Variants in MCUB observed in about 807,000 individuals in gnomAD.
MCUB encodes the protein calcium uniporter regulatory subunit MCUb, mitochondrial.
In MCUB, 46 loss-of-function variants were observed where a neutral mutation model predicts 41.4. The ratio of observed to expected loss-of-function variants is 1.11; its 90% CI spans 0.88 to 1.42. The LOEUF is 1.42. Ranked by LOEUF, MCUB falls within the 40% of genes most tolerant of loss-of-function variation. The pLI is 0.00. For missense variants in MCUB, 403 were observed against 404.9 expected, an observed-to-expected ratio of 1.00 and a Z score of 0.04; for synonymous variants, 148 against 148.2, an observed-to-expected ratio of 1.00 and a Z score of 0.01.
chr4:109,678,195 G>A (rs1372636890), intron 4 of MCUB, among the ~76,000 whole-genome samples: 2 of 151,982 alleles, frequency 1.3e-5, no homozygotes, highest in Admixed American at 1.3e-4. Context: ...AGAACAAAAT[G>A]GAGTCTCCTA....
chr4:109,593,902 A>C (rs1727495900), intron 1 of MCUB, among the ~76,000 whole-genome samples: 1 of 152,234 alleles, frequency 6.6e-6, no homozygotes, highest in African/African-American at 2.4e-5. Context: ...GCAGAATTTA[A>C]GTCTGTGTAA....
At chr4:109,670,083 T>C (rs1729421751) in intron 4 of MCUB, among the ~76,000 whole-genome samples, 2 of 152,256 alleles carry the variant, frequency 1.3e-5, no homozygotes. Context: ...CTTGTAATTT[T>C]ATGTTAAAAG....
intron 2 of MCUB, among the ~76,000 whole-genome samples, chr4:109,659,584 CAAAAAG>C (rs1327154904): frequency 1.3e-5 from 2 of 150,948 alleles, no homozygotes; most frequent in Non-Finnish European, 3.0e-5. Context: ...GACCCTGTCT[CAAAAAG>C]AAAGAAAAAA....
chr4:109,590,295 T>C (rs888245692), intron 1 of MCUB, among the ~76,000 whole-genome samples: 1 of 152,238 alleles, frequency 6.6e-6, no homozygotes, highest in Admixed American at 6.5e-5. Context: ...GTCATTGCTC[T>C]ATAATTGGCT....
chr4:109,634,715 ATTAT>A (rs1728551798), intron 1 of MCUB, among the ~76,000 whole-genome samples: 1 of 152,166 alleles, frequency 6.6e-6, no homozygotes, highest in Non-Finnish European at 1.5e-5. Flanking sequence ...TGAAGATGCC[ATTAT>A]TTATTCATTG....
chr4:109,665,823 G>A (rs947488417), intron 4 of MCUB, among the ~76,000 whole-genome samples: 6 of 152,014 alleles, frequency 3.9e-5, no homozygotes, highest in Admixed American at 3.9e-4. Context: ...GCAGGGGTGG[G>A]GGCGCATGGT....
chr4:109,670,726 AAAAAAG>A (rs755053976), intron 4 of MCUB, among the ~76,000 whole-genome samples: 19 of 152,150 alleles, frequency 1.2e-4, no homozygotes, highest in South Asian at 4.1e-4. Context: ...CTCCAAAAAA[AAAAAAG>A]AAAAAGAAAA....
intron 4 of MCUB, among the ~76,000 whole-genome samples, chr4:109,671,391 T>C (rs1265152149): frequency 6.6e-6 from 1 of 152,202 alleles, no homozygotes; most frequent in Non-Finnish European, 1.5e-5. Context: ...CCACAGTTCT[T>C]AGATATTTTG....
chr4:109,582,867 C>G (rs1260468122), intron 1 of MCUB, among the ~76,000 whole-genome samples: 1 of 152,120 alleles, frequency 6.6e-6, no homozygotes, highest in African/African-American at 2.4e-5. Context: ...TGTCAAAGAT[C>G]AGATGGTTGT....
At chr4:109,576,384 A>C (rs76972751) in intron 1 of MCUB, among the ~76,000 whole-genome samples, 2,504 of 152,312 alleles carry the variant, frequency 0.016, 71 homozygotes, top group African/African-American at 0.057. Context: ...TATCAGAAAA[A>C]CATTAAGAAA....
At chr4:109,599,255 A>G (rs946857856) in intron 1 of MCUB, among the ~76,000 whole-genome samples, 6 of 152,170 alleles carry the variant, frequency 3.9e-5, no homozygotes, top group African/African-American at 1.4e-4. Context: ...TGTTTTGCAT[A>G]GTTTCCATTT....
intron 1 of MCUB, among the ~76,000 whole-genome samples, chr4:109,635,136 C>T (rs1415180914): frequency 6.6e-6 from 1 of 152,166 alleles, no homozygotes; most frequent in South Asian, 2.1e-4. Flanking sequence ...ATGAACTCAT[C>T]CTTTTTTATT....
intron 1 of MCUB, among the ~76,000 whole-genome samples, chr4:109,625,174 A>C (rs1728335802): frequency 6.6e-6 from 1 of 152,104 alleles, no homozygotes; most frequent in Admixed American, 6.5e-5. Flanking sequence ...AAAATTAAAA[A>C]AACTTGATGT....
At chr4:109,584,126 A>G (rs1412737971) in intron 1 of MCUB, among the ~76,000 whole-genome samples, 1 of 152,134 alleles carries the variant, frequency 6.6e-6, no homozygotes, top group African/African-American at 2.4e-5. Context: ...TCAATTTCAG[A>G]ACCTCTTATT....
intron 1 of MCUB, among the ~76,000 whole-genome samples, chr4:109,573,784 A>G (rs1042715474): frequency 7.2e-5 from 11 of 152,072 alleles, no homozygotes; most frequent in Non-Finnish European, 1.5e-4. Context: ...TACAAAGAAC[A>G]CTAACAAAGC....
intron 5 of MCUB, 72 bp downstream of exon 5, chr4:109,682,814 A>C: frequency 8.8e-7 from 1 of 1,137,864 alleles, no homozygotes; most frequent in Non-Finnish European, 1.2e-6. Flanking sequence ...TCATGTGAGC[A>C]TTTTTCTGAA....
chr4:109,681,529 T>G, intron 4 of MCUB: 1 of 435,464 alleles, frequency 2.3e-6, no homozygotes, highest in South Asian at 1.7e-5. Context: ...TGACCTGGGG[T>G]TCTTGGCCTC....
At chr4:109,561,822 C>T (rs968999557) in intron 1 of MCUB, among the ~76,000 whole-genome samples, 1 of 152,128 alleles carries the variant, frequency 6.6e-6, no homozygotes, top group African/African-American at 2.4e-5. Flanking sequence ...GATCTCGGCT[C>T]ACTGCAACTT....
intron 1 of MCUB, among the ~76,000 whole-genome samples, chr4:109,607,188 TC>T (rs1727894614): frequency 1.3e-5 from 2 of 150,652 alleles, no homozygotes; most frequent in South Asian, 4.3e-4. Flanking sequence ...TCAGGTGATT[TC>T]TTATTGCTCA....
Sources: gnomAD v4.1 joint callset for allele counts (sites outside exome capture counted in the v4.1 genomes callset) on GRCh38, gnomAD v4.1.1 for gene constraint, MANE v1.5 for transcripts, NCBI Gene and HGNC (gene_info 2026-07-23, HGNC 2026-07-21) for gene names.